TOX: variants seen among roughly 807,000 people sequenced by gnomAD.
TOX encodes thymocyte selection associated high mobility group box.
Under a neutral mutation model 53.7 loss-of-function variants are expected in TOX, and 11 were observed. That is an observed-to-expected ratio of 0.20 (90% CI 0.13 to 0.34). The LOEUF is 0.34. Among genes scored for constraint, TOX ranks in the 10% least tolerant of loss-of-function variants. The probability of loss-of-function intolerance (pLI) is 1.00; values close to 1 mark genes in which losing one functional copy is unlikely to be tolerated. For synonymous variants in TOX, 225 were observed against 245.3 expected (o/e 0.92, Z 0.77); for missense variants, 570 against 664.6 (o/e 0.86, Z 1.56).
intron 1 of TOX, among the ~76,000 whole-genome samples, chr8:59,034,158 C>G (rs1398197949): frequency 6.6e-6 from 1 of 152,210 alleles, no homozygotes; most frequent in East Asian, 1.9e-4. Flanking sequence ...CATCCAATTG[C>G]TTATCCCGTG....
At chr8:58,875,327 C>A (rs1336722486) in intron 3 of TOX, among the ~76,000 whole-genome samples, 1 of 152,062 alleles carries the variant, frequency 6.6e-6, no homozygotes, top group Non-Finnish European at 1.5e-5. Flanking sequence ...CTTAGAAACT[C>A]TTTTTAAGTC....
At chr8:58,892,706 G>A (rs993347461) in intron 3 of TOX, among the ~76,000 whole-genome samples, 1 of 152,112 alleles carries the variant, frequency 6.6e-6, no homozygotes, top group African/African-American at 2.4e-5. Context: ...TAAATGTATG[G>A]ACTGTATTGC....
rs537599881 is a variant in TOX, at chr8:59,117,373, C to G, written c.102+1513G>C. 6.6e-6 allele frequency among the ~76,000 whole-genome samples: 1 copy of G among 152,328 alleles called. No individual in the cohort carries two copies. Among genetic ancestry groups the G allele is most frequent in the South Asian group, 2.1e-4 (1 of 4,832 alleles). ...AGTTCCCCGTACCTTTCAACTTGCCCGTAGCTGAAGGGCTCCCTGTACAAT... is the reference window on the plus strand; with the variant it reads ...AGTTCCCCGTACCTTTCAACTTGCCGGTAGCTGAAGGGCTCCCTGTACAAT... On this transcript the variant is annotated intron_variant, in intron 1 of 8. Coordinates refer to ENST00000361421, the MANE Select transcript of TOX (RefSeq NM_014729.3). The surrounding 1 kb of genome is among the most constrained non-coding windows in gnomAD (Gnocchi z 4.6).
At chr8:58,997,580 G>C (rs574139875) in intron 1 of TOX, among the ~76,000 whole-genome samples, 1 of 152,174 alleles carries the variant, frequency 6.6e-6, no homozygotes, top group East Asian at 1.9e-4. Context: ...TTATTCCTTT[G>C]TCCCATTCAT....
intron 1 of TOX, among the ~76,000 whole-genome samples, chr8:58,973,646 A>G (rs1813040851): frequency 6.6e-6 from 1 of 152,220 alleles, no homozygotes; most frequent in Non-Finnish European, 1.5e-5. Context: ...ATTATTTAGA[A>G]GGTTATTAGC....
chr8:59,067,274 C>T (rs911562500), intron 1 of TOX, among the ~76,000 whole-genome samples: 3 of 152,224 alleles, frequency 2.0e-5, no homozygotes, highest in African/African-American at 7.2e-5. Flanking sequence ...TAATAACTGG[C>T]CGGCCGAGGG....
intron 1 of TOX, among the ~76,000 whole-genome samples, chr8:59,092,280 T>TATTATACATTATATATAC (rs1804627114): frequency 8.5e-6 from 1 of 117,076 alleles, no homozygotes; most frequent in Non-Finnish European, 1.7e-5. Flanking sequence ...TATATATATA[T>TATTATACATTATATATAC]ATTATATATA....
At chr8:58,965,952 A>G (rs190740910) in intron 1 of TOX, among the ~76,000 whole-genome samples, 3 of 127,134 alleles carry the variant, frequency 2.4e-5, no homozygotes, top group East Asian at 4.8e-4. Context: ...AGGTTGGGCA[A>G]TGAAGACTTT....
intron 1 of TOX, among the ~76,000 whole-genome samples, chr8:59,092,442 T>C (rs1804641055): frequency 6.7e-6 from 1 of 148,602 alleles, no homozygotes; most frequent in Admixed American, 6.9e-5. Context: ...TAATTGGTAT[T>C]CCTGGTTTCC....
Position 58,949,473 on chromosome 8 carries a change from A to G in TOX, c.169-9929T>C, listed in dbSNP as rs186170701. On this transcript the variant is annotated intron_variant, in intron 2 of 8. Transcript: ENST00000361421. ...TCTCTACTTATGCTCAAATGGAATCATAGAATGCTTGCTCAAGAAGAAACC... is the reference window on the plus strand; with the variant it reads ...TCTCTACTTATGCTCAAATGGAATCGTAGAATGCTTGCTCAAGAAGAAACC... Among the ~76,000 whole-genome samples the G allele has an allele frequency of 5.1e-3, 783 of 152,332 alleles. 1 individual carries two copies. The highest frequency in any genetic ancestry group is 0.017 in the African/African-American group (725 of 41,588).
chr8:58,822,199 G>C (rs1437764027), intron 6 of TOX, among the ~76,000 whole-genome samples: 1 of 152,212 alleles, frequency 6.6e-6, no homozygotes, highest in East Asian at 1.9e-4. Context: ...TTATTCTGTA[G>C]TCAGAGAAAA....
At chr8:59,114,405 T>C (rs893681382) in intron 1 of TOX, among the ~76,000 whole-genome samples, 3 of 152,334 alleles carry the variant, frequency 2.0e-5, no homozygotes, top group African/African-American at 7.2e-5. Flanking sequence ...TCAAGATAGC[T>C]ACATTTGAAA....
At chr8:58,998,547 A>G (rs59350242) in intron 1 of TOX, among the ~76,000 whole-genome samples, 2 of 141,760 alleles carry the variant, frequency 1.4e-5, no homozygotes, top group South Asian at 2.2e-4. Context: ...ATAAATTTAT[A>G]TATAATAAAT....
rs1340623909 is a variant in TOX, at chr8:59,086,745, C to T, written c.102+32141G>A. Among the ~76,000 whole-genome samples the T allele has an allele frequency of 2.6e-5, 4 of 152,272 alleles. No individual in the cohort carries two copies. The East Asian group carries it at 5.8e-4, about 22-fold the overall frequency. On this transcript the variant is annotated intron_variant, in intron 1 of 8. Coordinates refer to ENST00000361421, the MANE Select transcript of TOX (RefSeq NM_014729.3). ...GCTAAATTTCTCGGCTTGATAGCTT[C>T]GTAATAAATAATGTGCTTCTATTCA...
chr8:58,903,048 C>T (rs1488786955), intron 3 of TOX, among the ~76,000 whole-genome samples: 2 of 152,154 alleles, frequency 1.3e-5, no homozygotes, highest in Non-Finnish European at 2.9e-5. Context: ...ATACTCTTTA[C>T]CATTAAAAAA....
Position 58,939,283 on chromosome 8 carries a change from C to A in TOX, c.411+19G>T. 1 of 1,613,240 alleles carries A rather than the reference C, an allele frequency of 6.2e-7. No homozygotes were observed. Among genetic ancestry groups the A allele is most frequent in the Middle Eastern group, 1.7e-4 (1 of 6,054 alleles). ...GGTATCCCTCAGCCCCCACCACAAA[C>A]AGGTAAGCAGATTCTTACCACAGAA... On this transcript the variant is annotated intron_variant, in intron 3 of 8. Transcript: ENST00000361421.
chr8:59,104,875 T>G (rs1205100741), intron 1 of TOX, among the ~76,000 whole-genome samples: 1 of 152,188 alleles, frequency 6.6e-6, no homozygotes, highest in African/African-American at 2.4e-5. Context: ...TGCCAGCACT[T>G]TGACCACAGA....
chr8:59,000,212 G>C (rs1439710056), intron 1 of TOX, among the ~76,000 whole-genome samples: 1 of 152,166 alleles, frequency 6.6e-6, no homozygotes, highest in Non-Finnish European at 1.5e-5. Context: ...AGTTCTTACA[G>C]ATAATAGCTG....
intron 1 of TOX, among the ~76,000 whole-genome samples, chr8:59,067,906 A>C (rs1585999348): frequency 6.6e-6 from 1 of 152,326 alleles, no homozygotes; most frequent in East Asian, 1.9e-4. Context: ...CTGTCATTCC[A>C]TTTCTGATGT....
Sources: allele counts gnomAD v4.1 joint callset (sites outside exome capture counted in the v4.1 genomes callset), GRCh38; gene constraint gnomAD v4.1.1; non-coding constraint Gnocchi (gnomAD v3.1); transcripts MANE v1.5; gene names NCBI Gene and HGNC (gene_info 2026-07-23, HGNC 2026-07-21).